RBFOX3: variants seen among roughly 807,000 people sequenced by gnomAD.
RBFOX3 encodes the protein RNA binding fox-1 homolog 3.
Under a neutral mutation model 48.7 loss-of-function variants are expected in RBFOX3, and 17 were observed. The observed-to-expected ratio is 0.35, with a 90% CI of 0.24 to 0.52. The LOEUF (loss-of-function observed/expected upper bound fraction) is 0.52. Ranked by LOEUF, RBFOX3 falls within the 20% of genes least tolerant of loss-of-function variation. RBFOX3 has a pLI of 0.94. For missense variants in RBFOX3, 382 were observed against 497.5 expected (o/e 0.77, Z 2.21); for synonymous variants, 212 against 209.5 (o/e 1.01, Z -0.10).
rs754159858 is a variant in RBFOX3 at position 79,174,424 on chromosome 17, TCACA to T, written c.-33-58680_-33-58677del. ...CACACTCAGACACGCACACATGCACTCACACACACTGACACAATGCATATCACAT... is the reference window on the plus strand; with the variant it reads ...CACACTCAGACACGCACACATGCACTCACACTGACACAATGCATATCACAT... On this transcript the variant is annotated intron_variant, in intron 4 of 14. Coordinates refer to ENST00000693108, the MANE Select transcript of RBFOX3 (RefSeq NM_001350451.2). Among the ~76,000 whole-genome samples, 12 of 149,386 alleles carry T rather than the reference TCACA, an allele frequency of 8.0e-5. No homozygotes were observed. The East Asian group carries it at 9.9e-4, about 12-fold the overall frequency.
At chr17:79,125,803 T>C (rs1349242664) in intron 4 of RBFOX3, among the ~76,000 whole-genome samples, 1 of 152,134 alleles carries the variant, frequency 6.6e-6, no homozygotes. Flanking sequence ...CACCGGGCCA[T>C]TTCTCCAGCA....
At chr17:79,321,904 C>T (rs2146036885) in intron 2 of RBFOX3, among the ~76,000 whole-genome samples, 1 of 152,136 alleles carries the variant, frequency 6.6e-6, no homozygotes, top group Admixed American at 6.5e-5. Context: ...TGGGGTTTCA[C>T]CATGTTGGCC....
chr17:79,288,480 C>CA (rs1197589374), intron 3 of RBFOX3, among the ~76,000 whole-genome samples: 1 of 152,010 alleles, frequency 6.6e-6, no homozygotes, highest in Non-Finnish European at 1.5e-5. Flanking sequence ...CTCTGCAGCC[C>CA]CCCCCAGCCC....
intron 1 of RBFOX3, among the ~76,000 whole-genome samples, chr17:79,492,608 G>A (rs1412892572): frequency 2.0e-5 from 3 of 152,236 alleles, no homozygotes; most frequent in Non-Finnish European, 4.4e-5. Context: ...ACCTCGAAGG[G>A]ACGCTGAGCC....
At chr17:79,215,720 T>C (rs1160872268) in intron 4 of RBFOX3, among the ~76,000 whole-genome samples, 1 of 152,232 alleles carries the variant, frequency 6.6e-6, no homozygotes, top group African/African-American at 2.4e-5. Context: ...AGCAGGAGCG[T>C]ATCCCCCAGG....
At chr17:79,320,941 A>T (rs957940858) in intron 2 of RBFOX3, among the ~76,000 whole-genome samples, 1 of 152,208 alleles carries the variant, frequency 6.6e-6, no homozygotes. Context: ...AGTCCGGCAC[A>T]TTCTGCCAAA....
chr17:79,520,592 C>T (rs1372372340), intron 1 of RBFOX3, among the ~76,000 whole-genome samples: 2 of 152,260 alleles, frequency 1.3e-5, no homozygotes, highest in Non-Finnish European at 2.9e-5. Context: ...GCCTCATGCA[C>T]AGGGCCAGAG....
At chr17:79,645,985 T>A in the RBFOX3 span, among the ~76,000 whole-genome samples, 10 of 152,186 alleles carry the variant, frequency 6.6e-5, no homozygotes, top group African/African-American at 2.4e-4. Context: ...TCTCTTTACA[T>A]CCACCTCTCT....
chr17:79,265,666 T>G (rs1027230132), intron 3 of RBFOX3, among the ~76,000 whole-genome samples: 3 of 152,252 alleles, frequency 2.0e-5, no homozygotes, highest in Non-Finnish European at 4.4e-5. Flanking sequence ...CAGAAAGGGC[T>G]TAGTTTCCGA....
intron 2 of RBFOX3, among the ~76,000 whole-genome samples, chr17:79,404,019 G>C (rs1216291212): frequency 6.6e-6 from 1 of 152,030 alleles, no homozygotes; most frequent in Non-Finnish European, 1.5e-5. Flanking sequence ...ACCTCGTGAT[G>C]CACCCATCTT....
chr17:79,138,093 G>A (rs1568204545), intron 4 of RBFOX3, among the ~76,000 whole-genome samples: 2 of 152,276 alleles, frequency 1.3e-5, no homozygotes, highest in African/African-American at 4.8e-5. Flanking sequence ...AGGCACGCTC[G>A]TGGGCAGGTC....
At chr17:79,499,981 T>C (rs2149716456) in intron 1 of RBFOX3, among the ~76,000 whole-genome samples, 1 of 152,318 alleles carries the variant, frequency 6.6e-6, no homozygotes, top group African/African-American at 2.4e-5. Flanking sequence ...GGGCCTGCCG[T>C]GGGACTTGTT....
rs1463345996 is a variant in RBFOX3 at position 79,421,798 on chromosome 17, G to C, written c.-175+60656C>G. Among the ~76,000 whole-genome samples, 1 of 152,144 alleles carries C rather than the reference G, an allele frequency of 6.6e-6. No homozygotes were observed. Among genetic ancestry groups the C allele is most frequent in the Non-Finnish European group, 1.5e-5 (1 of 68,014 alleles). On this transcript the variant is annotated intron_variant, in intron 2 of 14. Transcript: ENST00000693108. The surrounding 1 kb of genome is among the most constrained non-coding windows in gnomAD (Gnocchi z 4.5). ...AGGTCTCCTTGAGGCCTTGGGACAA[G>C]GGCAGAGAGAGAGAAGGGGAAGGAA...
chr17:79,521,001 G>C (rs912472225), intron 1 of RBFOX3, among the ~76,000 whole-genome samples: 1 of 152,246 alleles, frequency 6.6e-6, no homozygotes, highest in Non-Finnish European at 1.5e-5. Context: ...CGAGCAGGGA[G>C]CACACGGGTG....
rs544805667 is a variant in RBFOX3, at chr17:79,314,527, A to G, written c.-174-6703T>C. 5.3e-5 allele frequency among the ~76,000 whole-genome samples: 8 copies of G among 152,260 alleles called. No individual in the cohort carries two copies. The East Asian group carries it at 1.5e-3, about 29-fold the overall frequency. On this transcript the variant is annotated intron_variant, in intron 2 of 14. Transcript: ENST00000693108. ...ACAGGAGACAGCCACCAAGACTCTC[A>G]CTCGGCATTCTCTGAAATAGCTGCA...
At chr17:79,241,454 G>A (rs1161402010) in intron 3 of RBFOX3, among the ~76,000 whole-genome samples, 1 of 152,152 alleles carries the variant, frequency 6.6e-6, no homozygotes, top group Non-Finnish European at 1.5e-5. Context: ...GATGATGGCT[G>A]GGAAGAGGGG....
intron 14 of RBFOX3, chr17:79,091,987 G>A: frequency 1.0e-6 from 1 of 985,490 alleles, no homozygotes; most frequent in Non-Finnish European, 1.2e-6. Context: ...AGTTTCAGCT[G>A]AATGGGGCGA....
intron 11 of RBFOX3, 110 bp downstream of exon 11, chr17:79,097,182 C>T (rs1022206457): frequency 1.1e-6 from 1 of 924,492 alleles, no homozygotes; most frequent in Non-Finnish European, 1.6e-6. Flanking sequence ...CTCCCCCCCC[C>T]CAGGTCTGGA....
chr17:79,563,055 C>T (rs2092309489), intron 1 of RBFOX3, among the ~76,000 whole-genome samples: 1 of 152,232 alleles, frequency 6.6e-6, no homozygotes, highest in Non-Finnish European at 1.5e-5. Flanking sequence ...TGCGCAGCAG[C>T]AGAGCGGGCG....
Sources: gnomAD v4.1 joint callset for allele counts (sites outside exome capture counted in the v4.1 genomes callset) on GRCh38, gnomAD v4.1.1 for gene constraint, Gnocchi (gnomAD v3.1) non-coding constraint, MANE v1.5 for transcripts, NCBI Gene and HGNC (gene_info 2026-07-23, HGNC 2026-07-21) for gene names.